The following CDH23 variants were observed in gnomAD, a reference collection of about 807,000 sequenced individuals.
CDH23 encodes the protein cadherin-23.
Under a neutral mutation model 317.1 loss-of-function variants are expected in CDH23, and 189 were observed. That is an observed-to-expected ratio of 0.60 (90% CI 0.53 to 0.67). The LOEUF (loss-of-function observed/expected upper bound fraction) is 0.67, where lower values mean the gene tolerates loss of function less well. CDH23 is among the 30% of genes least tolerant of loss of function. CDH23 has a pLI of 0.00. For missense variants in CDH23, 4,401 were observed against 4,592.4 expected (o/e 0.96, Z 1.20); for synonymous variants, 1,839 against 1,876.8 (o/e 0.98, Z 0.52).
At chr10:71,579,910 G>T (rs575013901) in intron 9 of CDH23, among the ~76,000 whole-genome samples, 10 of 152,368 alleles carry the variant, frequency 6.6e-5, no homozygotes, top group South Asian at 4.1e-4. Flanking sequence ...CAGCAGGAAG[G>T]GGGTGCTGGG....
At chr10:71,450,603 A>T (rs1216664443) in intron 3 of CDH23, among the ~76,000 whole-genome samples, 1 of 152,092 alleles carries the variant, frequency 6.6e-6, no homozygotes. Context: ...AGCCTTGCTG[A>T]TGTCGAGATC....
chr10:71,472,023 C>G (rs961645844), intron 3 of CDH23, among the ~76,000 whole-genome samples: 1 of 152,190 alleles, frequency 6.6e-6, no homozygotes, highest in African/African-American at 2.4e-5. Flanking sequence ...ATCTGGTGCT[C>G]GACAGATGAT....
intron 24 of CDH23, among the ~76,000 whole-genome samples, chr10:71,704,304 C>T (rs562598128): frequency 7.2e-5 from 11 of 152,248 alleles, no homozygotes; most frequent in South Asian, 6.2e-4. Context: ...GGTCTTGAGT[C>T]GGGCAATCTG....
chr10:71,460,016 C>T (rs1255092494), intron 3 of CDH23, among the ~76,000 whole-genome samples: 2 of 152,224 alleles, frequency 1.3e-5, no homozygotes, highest in South Asian at 4.1e-4. Flanking sequence ...CTCATTTAAT[C>T]CTCACAACGC....
intron 69 of CDH23, 82 bp from the exon 70 acceptor site, chr10:71,814,870 T>TA: frequency 1.4e-6 from 2 of 1,444,718 alleles, no homozygotes; most frequent in Non-Finnish European, 1.8e-6. Context: ...TTCAGCCACA[T>TA]AGCCAGTGGG....
intron 6 of CDH23, among the ~76,000 whole-genome samples, chr10:71,544,976 C>A (rs1464265991): frequency 1.3e-5 from 2 of 152,100 alleles, no homozygotes; most frequent in Admixed American, 6.5e-5. Context: ...CCTGGGGTAA[C>A]CCTGGGGACA....
intron 14 of CDH23, among the ~76,000 whole-genome samples, chr10:71,669,650 G>A (rs1864060902): frequency 6.6e-6 from 1 of 152,146 alleles, no homozygotes. Flanking sequence ...GTTTCACCGT[G>A]TTGGCCAGAA....
intron 11 of CDH23, among the ~76,000 whole-genome samples, chr10:71,623,345 G>A (rs768703949): frequency 1.1e-4 from 17 of 152,226 alleles, no homozygotes; most frequent in Non-Finnish European, 2.1e-4. Flanking sequence ...TCCCCAAAAG[G>A]GAAATGGCCT....
At chr10:71,488,038 G>A (rs757472193) in intron 3 of CDH23, among the ~76,000 whole-genome samples, 1 of 152,196 alleles carries the variant, frequency 6.6e-6, no homozygotes, top group Non-Finnish European at 1.5e-5. Context: ...GCCCCTCTCT[G>A]TACCTTTCTG....
At position 71,807,391 on chromosome 10, in the gene CDH23, T is replaced by C. The variant is rs767643684; in HGVS notation, c.8293T>C (p.Tyr2765His). The C allele has an allele frequency of 2.4e-5, 39 of 1,613,766 alleles. No homozygotes were observed. Among genetic ancestry groups the C allele is most frequent in the Admixed American group, 3.3e-5 (2 of 59,978 alleles). Residue 2765 changes from tyrosine (Y) to histidine (H), a missense_variant, in exon 58 of 70, where the codon TAC (tyrosine) becomes CAC (histidine). By Grantham distance (83) the Tyr-to-His change is moderately conservative. Around this residue, in one of 3 missense-constraint regions of CDH23, gnomAD observed 1,144 missense variants for 1,138.2 expected, o/e 1.01. Transcript: ENST00000224721. ...DADEGPNAIV[Y>H]YFIAAGNEEK... ...AGATGAGGGCCCCAACGCGATCGTG[T>C]ACTACTTCATCGCAGGTGGGGCCAG...
At chr10:71,814,082 C>G (rs1283118885) in intron 69 of CDH23, among the ~76,000 whole-genome samples, 6 of 152,232 alleles carry the variant, frequency 3.9e-5, no homozygotes, top group Admixed American at 3.9e-4. Flanking sequence ...AGGAGGACAA[C>G]AGTGCCAGTT....
intron 24 of CDH23, 125 bp from the exon 25 acceptor site, chr10:71,704,786 A>C: frequency 1.3e-6 from 1 of 760,302 alleles, no homozygotes. Context: ...TAAGGCTTGG[A>C]GGGGAGCAGA....
At chr10:71,653,938 C>A (rs1863297672) in intron 14 of CDH23, among the ~76,000 whole-genome samples, 1 of 152,178 alleles carries the variant, frequency 6.6e-6, no homozygotes, top group South Asian at 2.1e-4. Context: ...GGTATTTAAG[C>A]TTGGGTCTCT....
chr10:71,559,506 C>T (rs570437597), intron 6 of CDH23, among the ~76,000 whole-genome samples: 7 of 152,254 alleles, frequency 4.6e-5, no homozygotes, highest in Non-Finnish European at 8.8e-5. Flanking sequence ...CGTATGGCTG[C>T]AGCAGGTCAG....
intron 66 of CDH23, 84 bp downstream of exon 66, chr10:71,812,099 T>C: frequency 1.9e-6 from 3 of 1,609,272 alleles, no homozygotes; most frequent in Middle Eastern, 1.7e-4. Context: ...CTCCCAGCGC[T>C]GGGGCTGCCG....
intron 51 of CDH23, 51 bp downstream of exon 51, chr10:71,799,331 G>A: frequency 6.2e-7 from 1 of 1,611,928 alleles, no homozygotes; most frequent in South Asian, 1.1e-5. Context: ...CATTCCTTGG[G>A]GTCTTTGGGC....
At chr10:71,534,374 C>T (rs1855581474) in intron 6 of CDH23, among the ~76,000 whole-genome samples, 1 of 152,218 alleles carries the variant, frequency 6.6e-6, no homozygotes, top group Non-Finnish European at 1.5e-5. Flanking sequence ...CCCTAGCAAC[C>T]ACCACAGCGC....
At position 71,802,340 on chromosome 10, in the gene CDH23, G is replaced by A. The variant is rs142311062; in HGVS notation, c.7483-558G>A. On this transcript the variant is annotated intron_variant, in intron 53 of 69. Transcript: ENST00000224721. ...TAAAATGAAGTCACTGCTGTCAAGGGCTCTGAAGAGGATGCAGTTCAGGCA... is the reference window on the plus strand; with the variant it reads ...TAAAATGAAGTCACTGCTGTCAAGGACTCTGAAGAGGATGCAGTTCAGGCA... 3.3e-3 allele frequency among the ~76,000 whole-genome samples: 504 copies of A among 152,310 alleles called. 3 individuals are homozygous for A. The highest frequency in any genetic ancestry group is 0.011 in the South Asian group (51 of 4,824).
At chr10:71,800,569 C>G in intron 52 of CDH23, 67 bp from the exon 53 acceptor site, 1 of 1,534,186 alleles carries the variant, frequency 6.5e-7, no homozygotes, top group South Asian at 1.2e-5. Context: ...AGCATCTGGC[C>G]ATAGTAGGTG....
Sources: gnomAD v4.1 joint callset for allele counts (sites outside exome capture counted in the v4.1 genomes callset) on GRCh38, gnomAD v4.1.1 for gene constraint, gnomAD v4.1.1 regional missense constraint, MANE v1.5 for transcripts, NCBI Gene and HGNC (gene_info 2026-07-23, HGNC 2026-07-21) for gene names.